TRERF1: variants seen among roughly 807,000 people sequenced by gnomAD.
TRERF1 encodes transcriptional-regulating factor 1.
In TRERF1, 27 loss-of-function variants were observed where a neutral mutation model predicts 122.9. The observed-to-expected ratio is 0.22, with a 90% CI of 0.16 to 0.30. The LOEUF is 0.30. Among genes scored for constraint, TRERF1 ranks in the 10% least tolerant of loss-of-function variants. The probability of loss-of-function intolerance (pLI) is 1.00; values close to 1 mark genes in which losing one functional copy is unlikely to be tolerated. For missense variants in TRERF1, 1,248 were observed against 1,560.3 expected, an observed-to-expected ratio of 0.80 and a Z score of 3.37; for synonymous variants, 636 against 641.7, an observed-to-expected ratio of 0.99 and a Z score of 0.13.
chr6:42,321,635 T>C (rs1391451391), intron 3 of TRERF1, among the ~76,000 whole-genome samples: 1 of 152,164 alleles, frequency 6.6e-6, no homozygotes, highest in Admixed American at 6.5e-5. Context: ...CTGCGAGTGG[T>C]AGGAACTGTG....
exon 18 of TRERF1, chr6:42,225,465 T>G (rs1463788745): frequency 6.6e-6 from 1 of 151,984 alleles, no homozygotes; most frequent in African/African-American, 2.4e-5. Context: ...AAATCCTTAT[T>G]AAAAATACAC....
intron 3 of TRERF1, among the ~76,000 whole-genome samples, chr6:42,348,543 G>A (rs1490913167): frequency 6.6e-6 from 1 of 152,058 alleles, no homozygotes; most frequent in Non-Finnish European, 1.5e-5. Context: ...GTGAGCCATC[G>A]TGCCTGGCCT....
chr6:42,374,765 T>G (rs1774508367), intron 2 of TRERF1, among the ~76,000 whole-genome samples: 1 of 151,830 alleles, frequency 6.6e-6, no homozygotes, highest in South Asian at 2.1e-4. Context: ...CCCAGCACTT[T>G]GGGAGGCTGA....
chr6:42,434,011 A>G (rs1784878999), intron 2 of TRERF1, among the ~76,000 whole-genome samples: 1 of 152,204 alleles, frequency 6.6e-6, no homozygotes, highest in South Asian at 2.1e-4. Context: ...CAACAGAGTG[A>G]GCAAGACCCT....
intron 8 of TRERF1, among the ~76,000 whole-genome samples, chr6:42,260,610 G>A (rs1323065209): frequency 1.3e-5 from 2 of 152,194 alleles, no homozygotes; most frequent in African/African-American, 4.8e-5. Context: ...CAGAGGCAGT[G>A]TGGTTGGGAG....
At chr6:42,410,758 C>T (rs1780994763) in intron 2 of TRERF1, among the ~76,000 whole-genome samples, 3 of 152,218 alleles carry the variant, frequency 2.0e-5, no homozygotes, top group Admixed American at 2.0e-4. Flanking sequence ...ATCACCAGGG[C>T]TAACTACTAT....
intron 3 of TRERF1, among the ~76,000 whole-genome samples, chr6:42,307,321 T>C (rs1301770338): frequency 1.3e-5 from 2 of 152,196 alleles, no homozygotes; most frequent in Non-Finnish European, 2.9e-5. Flanking sequence ...CTCTGTCCCT[T>C]TATTCAGGTT....
intron 3 of TRERF1, among the ~76,000 whole-genome samples, chr6:42,352,675 T>C (rs1247770301): frequency 6.6e-6 from 1 of 152,188 alleles, no homozygotes; most frequent in Non-Finnish European, 1.5e-5. Flanking sequence ...AAGGTTAGAA[T>C]CCTTTAATAT....
intron 2 of TRERF1, among the ~76,000 whole-genome samples, chr6:42,437,086 T>C (rs1199601272): frequency 2.0e-5 from 3 of 152,038 alleles, no homozygotes; most frequent in Non-Finnish European, 4.4e-5. Flanking sequence ...TTACACACAT[T>C]CTGCTAGTTA....
At chr6:42,246,530 T>C in exon 14 of TRERF1, 1 of 1,603,082 alleles carries the variant, frequency 6.2e-7, no homozygotes, top group South Asian at 1.1e-5. Flanking sequence ...TCTAGGGAGG[T>C]CCACTTGTCC....
chr6:42,333,656 A>G (rs1378635361), intron 3 of TRERF1, among the ~76,000 whole-genome samples: 1 of 152,182 alleles, frequency 6.6e-6, no homozygotes, highest in Non-Finnish European at 1.5e-5. Flanking sequence ...CCCCATTCCA[A>G]CAGGCACAGG....
At chr6:42,426,660 C>T (rs1783673890) in intron 2 of TRERF1, among the ~76,000 whole-genome samples, 1 of 152,214 alleles carries the variant, frequency 6.6e-6, no homozygotes, top group Admixed American at 6.5e-5. Context: ...TGCTGCTAAA[C>T]CTGGCCAAAC....
chr6:42,435,678 TTAAA>T (rs1785200117), intron 2 of TRERF1, among the ~76,000 whole-genome samples: 1 of 151,934 alleles, frequency 6.6e-6, no homozygotes, highest in Non-Finnish European at 1.5e-5. Context: ...TAGGGACTAG[TTAAA>T]TAAGTTATGG....
In TRERF1 at chr6:42,255,004, G is replaced by T. The variant is rs909153556; in HGVS notation, c.2581-78C>A. 3.4e-6 allele frequency: 5 copies of T among 1,472,926 alleles called. No homozygotes were observed. In the African/African-American group the frequency reaches 4.2e-5, roughly 12 times the overall value. 91.2% of individuals were successfully genotyped at this position (1,472,926 alleles called of 1,614,324 possible). A position where few individuals can be genotyped will look rare whatever the true frequency, so the allele number is the denominator to read the frequency against. ...CTATGGAGATCATCTACCCAAAGGGGAAAAGCGGTTAGCACTGTGGAGGTC... is the reference window on the plus strand; with the variant it reads ...CTATGGAGATCATCTACCCAAAGGGTAAAAGCGGTTAGCACTGTGGAGGTC... On this transcript the variant is annotated intron_variant, in intron 12 of 17. Transcript: ENST00000372922.
In TRERF1 at chr6:42,232,682, T is replaced by C; in HGVS notation, c.3277A>G (p.Lys1093Glu). Residue 1093 changes from lysine to glutamate, a missense_variant and splice_region_variant, in exon 17 of 18, where the codon AAA becomes GAA. Transcript: ENST00000372922. This position sits in a 1 kb window ranked among gnomAD's most constrained non-coding sequence, Gnocchi z 4.5. ...CAGTCCCCGGTCCCCTGCACCTACT[T>C]GCCACACTCCTTGCAGGGGAAGATG... 6.3e-7 allele frequency: 1 copy of C among 1,592,094 alleles called. No homozygotes were observed. Among genetic ancestry groups the C allele is most frequent in the Non-Finnish European group, 8.6e-7 (1 of 1,163,268 alleles).
At chr6:42,231,208 C>T (rs886655917) in intron 17 of TRERF1, among the ~76,000 whole-genome samples, 2 of 152,218 alleles carry the variant, frequency 1.3e-5, no homozygotes, top group African/African-American at 4.8e-5. Flanking sequence ...CTTGCTCTCT[C>T]TCCCCTCTCT....
At chr6:42,300,140 A>G (rs1278885500) in intron 4 of TRERF1, among the ~76,000 whole-genome samples, 5 of 152,238 alleles carry the variant, frequency 3.3e-5, no homozygotes, top group Non-Finnish European at 7.3e-5. Flanking sequence ...GTGGTTCCTA[A>G]TGGCAGAGCA....
chr6:42,239,621 T>C (rs1035206227), intron 15 of TRERF1, among the ~76,000 whole-genome samples: 3 of 152,156 alleles, frequency 2.0e-5, no homozygotes, highest in African/African-American at 7.2e-5. Context: ...ACGTAAAACA[T>C]TGAAGATACA....
At position 42,304,153 on chromosome 6, in the gene TRERF1, T is replaced by C. The variant is rs575495086; in HGVS notation, c.-370-3404A>G. ...CAGTTTGGCCAGTGGCAAAATTAGG[T>C]GGCCAGTGCTGACACAGGGATGTGG... On this transcript the variant is annotated intron_variant, in intron 3 of 17. Transcript: ENST00000372922. 1.8e-4 allele frequency among the ~76,000 whole-genome samples: 27 copies of C among 152,314 alleles called. No individual in the cohort carries two copies. In the South Asian group the frequency reaches 2.5e-3, roughly 14 times the overall value.
Sources: gnomAD v4.1 joint callset for allele counts (sites outside exome capture counted in the v4.1 genomes callset) on GRCh38, gnomAD v4.1.1 for gene constraint, Gnocchi (gnomAD v3.1) non-coding constraint, MANE v1.5 for transcripts, NCBI Gene and HGNC (gene_info 2026-07-23, HGNC 2026-07-21) for gene names.